The following LTBP2 variants were observed in gnomAD, a reference collection of about 807,000 sequenced individuals.
LTBP2 encodes latent transforming growth factor beta binding protein 2, also known as latent-transforming growth factor beta-binding protein 2.
LTBP2 carries 103 observed loss-of-function variants against 210.6 expected under a neutral mutation model. That is an observed-to-expected ratio of 0.49 (90% CI 0.42 to 0.58). The LOEUF (loss-of-function observed/expected upper bound fraction) is 0.58. Among genes scored for constraint, LTBP2 ranks in the 20% least tolerant of loss-of-function variants. The pLI is 0.00. For missense variants in LTBP2, 2,313 were observed against 2,494.5 expected (o/e 0.93, Z 1.55); for synonymous variants, 1,007 against 1,015.0 (o/e 0.99, Z 0.15).
At position 74,506,882 on chromosome 14, in the gene LTBP2, C is replaced by T. The variant is rs781520100; in HGVS notation, c.3908-59G>A. On this transcript the variant is annotated intron_variant, in intron 26 of 35. Coordinates refer to ENST00000261978, the MANE Select transcript of LTBP2 (RefSeq NM_000428.3). ...GTGTGTGTGTGTGTGTGTGTGTGCG[C>T]GCGCGCGTGTGTGCTCACTCTCTCA... is the stretch of plus-strand genomic sequence containing the variant. 172 of 926,088 alleles carry T rather than the reference C, an allele frequency of 1.9e-4. 1 individual carries two copies. The highest frequency in any genetic ancestry group is 1.8e-3 in the Middle Eastern group (6 of 3,270). 57.4% of individuals were successfully genotyped at this position (926,088 alleles called of 1,614,324 possible). A position where few individuals can be genotyped will look rare whatever the true frequency, so the allele number is the denominator to read the frequency against.
chr14:74,589,618 G>A (rs1951875134), intron 2 of LTBP2, among the ~76,000 whole-genome samples: 1 of 152,132 alleles, frequency 6.6e-6, no homozygotes. Flanking sequence ...TTTTGGCCTG[G>A]CCACCCCTCC....
intron 3 of LTBP2, among the ~76,000 whole-genome samples, chr14:74,560,964 T>C (rs2087786471): frequency 6.6e-6 from 1 of 152,154 alleles, no homozygotes; most frequent in Non-Finnish European, 1.5e-5. Context: ...ACAAATTCCC[T>C]GTGGATATCG....
In LTBP2 at chr14:74,603,602, A is replaced by G. The variant is rs756973851; in HGVS notation, c.565+33T>C. 25 of 1,611,104 alleles carry G rather than the reference A, an allele frequency of 1.6e-5. No homozygotes were observed. In the Admixed American group the frequency reaches 3.7e-4, roughly 24 times the overall value. ...GGGAATGGCACTTCACGTTTGATAG[A>G]GCGGAGTGTCTGCTACTGGTGGAGG... On this transcript the variant is annotated intron_variant, in intron 2 of 35. Coordinates refer to ENST00000261978, the MANE Select transcript of LTBP2 (RefSeq NM_000428.3).
In LTBP2 at chr14:74,551,122, G is replaced by A; in HGVS notation, c.1628C>T (p.Ala543Val). The change falls in exon 7 of 36, where the codon GCA becomes GTA. Residue 543 changes from alanine (A) to valine (V), a missense_variant. Coordinates refer to ENST00000261978, the MANE Select transcript of LTBP2 (RefSeq NM_000428.3). Reference sequence around the variant, plus strand: ...CAGCAGTCCTCGAGGCCTGGGTGCTGCTGGGGGCAGTGGCCGAGGGGGCTC... The same window carrying A: ...CAGCAGTCCTCGAGGCCTGGGTGCTACTGGGGGCAGTGGCCGAGGGGGCTC... ...SGEPPRPLPP[A>V]APRPRGLLGR... 1 of 1,613,896 alleles carries A rather than the reference G, an allele frequency of 6.2e-7. No homozygotes were observed. The highest frequency in any genetic ancestry group is 1.3e-5 in the African/African-American group (1 of 75,070).
intron 8 of LTBP2, 77 bp downstream of exon 8, chr14:74,549,786 G>A: frequency 8.0e-7 from 1 of 1,248,462 alleles, no homozygotes; most frequent in Non-Finnish European, 1.2e-6. Flanking sequence ...ACATCCTGGA[G>A]GGGAAACCCT....
At chr14:74,532,696 C>A in intron 9 of LTBP2, 148 bp from the exon 10 acceptor site, 4 of 860,962 alleles carry the variant, frequency 4.6e-6, no homozygotes. Flanking sequence ...CTCCCTGTGC[C>A]TCAGTTTCCT....
At chr14:74,553,129 G>C in intron 4 of LTBP2, 67 bp from the exon 5 acceptor site, 1 of 1,505,634 alleles carries the variant, frequency 6.6e-7, no homozygotes, top group Non-Finnish European at 9.2e-7. Context: ...CCAGAGTCTG[G>C]TTAGAAAGCC....
chr14:74,579,885 C>T (rs1032557551), intron 3 of LTBP2, among the ~76,000 whole-genome samples: 5 of 152,052 alleles, frequency 3.3e-5, no homozygotes, highest in Non-Finnish European at 4.4e-5. Context: ...TGTAGACAGC[C>T]GATTGTAGAC....
intron 18 of LTBP2, among the ~76,000 whole-genome samples, chr14:74,515,463 G>C (rs570838838): frequency 6.6e-6 from 1 of 152,140 alleles, no homozygotes; most frequent in South Asian, 2.1e-4. Context: ...CACCACGTTG[G>C]CCAGGCTAGT....
Position 74,502,440 on chromosome 14 carries a change from T to C in LTBP2, c.5170+213A>G, listed in dbSNP as rs539462170. The C allele has an allele frequency of 1.8e-3, 1,232 of 676,336 alleles. 8 individuals are homozygous for C. The highest frequency in any genetic ancestry group is 2.2e-3 in the Non-Finnish European group (839 of 376,444). 41.9% of individuals were successfully genotyped at this position (676,336 alleles called of 1,614,324 possible). A position where few individuals can be genotyped will look rare whatever the true frequency, so the allele number is the denominator to read the frequency against. On this transcript the variant is annotated intron_variant, in intron 34 of 35. Transcript: ENST00000261978. The stretch of plus-strand genomic sequence containing the variant: ...GACAGGGGCAGTGTCCTGTACCTTT[T>C]TGTGTCCCTGTGATAGTTTATGACG...
At position 74,586,737 on chromosome 14, in the gene LTBP2, C is replaced by T. The variant is rs1239349098; in HGVS notation, c.566-619G>A. On this transcript the variant is annotated intron_variant, in intron 2 of 35. Transcript: ENST00000261978. This position sits in a 1 kb window ranked among gnomAD's most constrained non-coding sequence, Gnocchi z 4.6. ...AAGGGTCCTTCAAAGGCACCTTCAG[C>T]TTGACGGTCTCTCCTCTCCTTCCCA... is the stretch of plus-strand genomic sequence containing the variant. 1.3e-5 allele frequency among the ~76,000 whole-genome samples: 2 copies of T among 152,148 alleles called. No individual in the cohort carries two copies. Among genetic ancestry groups the T allele is most frequent in the African/African-American group, 4.8e-5 (2 of 41,434 alleles).
At chr14:74,602,704 G>A (rs886331989) in intron 2 of LTBP2, among the ~76,000 whole-genome samples, 3 of 152,216 alleles carry the variant, frequency 2.0e-5, no homozygotes, top group African/African-American at 7.2e-5. Context: ...AGTGGAAGAG[G>A]CTCAGGTGTG....
At chr14:74,559,298 G>A (rs950304937) in intron 3 of LTBP2, among the ~76,000 whole-genome samples, 16 of 152,122 alleles carry the variant, frequency 1.1e-4, no homozygotes, top group African/African-American at 2.9e-4. Flanking sequence ...TTTAACAACC[G>A]GAGTCCTCTG....
chr14:74,569,025 A>T (rs1317877622), intron 3 of LTBP2, among the ~76,000 whole-genome samples: 1 of 152,134 alleles, frequency 6.6e-6, no homozygotes, highest in Non-Finnish European at 1.5e-5. Flanking sequence ...CTCCTAGAGC[A>T]CTTGCAAAAG....
chr14:74,602,590 G>A (rs981812242), intron 2 of LTBP2, among the ~76,000 whole-genome samples: 5 of 152,116 alleles, frequency 3.3e-5, no homozygotes, highest in Non-Finnish European at 7.4e-5. Context: ...TGTGCTTCAC[G>A]TTCCTCATCC....
intron 3 of LTBP2, among the ~76,000 whole-genome samples, chr14:74,577,504 C>CT (rs397948520): frequency 0.028 from 3,850 of 135,920 alleles, 171 homozygotes; most frequent in African/African-American, 0.091. Context: ...ACCATTATCT[C>CT]TTTTTTTTTT....
chr14:74,508,664 ACCCGT>A lies in LTBP2; in HGVS notation c.3587_3591del (p.His1196LeufsTer48). The A allele has an allele frequency of 6.2e-7, 1 of 1,613,318 alleles. No individual in the cohort carries two copies. The highest frequency in any genetic ancestry group is 8.5e-7 in the Non-Finnish European group (1 of 1,179,958). On this transcript the variant is annotated frameshift_variant, in exon 24 of 36. Transcript: ENST00000261978. LOFTEE classifies it high-confidence loss of function. The stretch of plus-strand genomic sequence containing the variant: ...CCAGGCGCGCACAGACAGAAGAAAG[ACCCGT>A]GGCTGTTGAGGCACTCGCCGTGGGG...
intron 4 of LTBP2, among the ~76,000 whole-genome samples, chr14:74,554,306 C>A (rs955165273): frequency 6.6e-6 from 1 of 152,058 alleles, no homozygotes; most frequent in African/African-American, 2.4e-5. Flanking sequence ...TTGAGACCAG[C>A]CTGGGCAACA....
chr14:74,551,396 C>A (rs1276541355), intron 6 of LTBP2, 46 bp from the exon 7 acceptor site: 2 of 1,499,076 alleles, frequency 1.3e-6, no homozygotes, highest in Non-Finnish European at 1.8e-6. Context: ...AGGGCCCCAC[C>A]CTCATTTCCA....
Sources: allele counts gnomAD v4.1 joint callset (sites outside exome capture counted in the v4.1 genomes callset), GRCh38; gene constraint gnomAD v4.1.1; non-coding constraint Gnocchi (gnomAD v3.1); transcripts MANE v1.5; gene names NCBI Gene and HGNC (gene_info 2026-07-23, HGNC 2026-07-21).